The following DPYD variants were observed in gnomAD, a reference collection of about 807,000 sequenced individuals.
DPYD encodes dihydropyrimidine dehydrogenase [NADP(+)].
A neutral mutation model predicts 116.2 loss-of-function variants in DPYD; 109 were observed. That is an observed-to-expected ratio of 0.94 (90% CI 0.80 to 1.10). The LOEUF (loss-of-function observed/expected upper bound fraction) is 1.10, where lower values mean the gene tolerates loss of function less well. DPYD is among the 50% of genes least tolerant of loss of function. The pLI, the probability that DPYD is intolerant of heterozygous loss-of-function variation, is 0.00. For synonymous variants in DPYD, 440 were observed against 432.0 expected, an observed-to-expected ratio of 1.02 and a Z score of -0.23; for missense variants, 1,302 against 1,254.5, an observed-to-expected ratio of 1.04 and a Z score of -0.57.
chr1:97,742,155 A>T (rs1664303076), intron 3 of DPYD, among the ~76,000 whole-genome samples: 1 of 152,076 alleles, frequency 6.6e-6, no homozygotes, highest in African/African-American at 2.4e-5. Context: ...TTCTCCAAGA[A>T]TTTCACTGAG....
chr1:97,788,872 C>T (rs1667176322), intron 3 of DPYD, among the ~76,000 whole-genome samples: 1 of 152,126 alleles, frequency 6.6e-6, no homozygotes, highest in South Asian at 2.1e-4. Context: ...GGCACCATCT[C>T]GGCTCACTGC....
At chr1:97,831,722 G>A (rs1444080198) in intron 2 of DPYD, among the ~76,000 whole-genome samples, 1 of 151,822 alleles carries the variant, frequency 6.6e-6, no homozygotes, top group African/African-American at 2.4e-5. Flanking sequence ...AAAGGCAACA[G>A]ATAAAAAGAG....
chr1:97,873,059 T>A (rs993556522), intron 2 of DPYD, among the ~76,000 whole-genome samples: 20 of 151,980 alleles, frequency 1.3e-4, no homozygotes, highest in African/African-American at 4.6e-4. Context: ...CAGGCTACAG[T>A]ACTTCAGCTG....
chr1:97,794,848 T>C (rs1224438745), intron 3 of DPYD, among the ~76,000 whole-genome samples: 3 of 152,198 alleles, frequency 2.0e-5, no homozygotes, highest in Non-Finnish European at 4.4e-5. Flanking sequence ...GTCAGATTTA[T>C]CCCTAGTACT....
chr1:97,277,624 TA>T (rs1166705912), intron 18 of DPYD, among the ~76,000 whole-genome samples: 1 of 152,136 alleles, frequency 6.6e-6, no homozygotes, highest in African/African-American at 2.4e-5. Context: ...TGACCTTCTC[TA>T]AAACATATTC....
intron 18 of DPYD, among the ~76,000 whole-genome samples, chr1:97,298,809 T>C (rs1352756141): frequency 1.3e-5 from 2 of 152,094 alleles, no homozygotes; most frequent in African/African-American, 4.8e-5. Context: ...CCCTTTTCCT[T>C]AGGGAGTCGA....
chr1:97,326,863 C>T (rs2101139926), intron 16 of DPYD, among the ~76,000 whole-genome samples: 1 of 151,908 alleles, frequency 6.6e-6, no homozygotes, highest in Non-Finnish European at 1.5e-5. Context: ...ACGTATAAAA[C>T]AAATATAGCA....
intron 20 of DPYD, among the ~76,000 whole-genome samples, chr1:97,122,746 C>T (rs1416390659): frequency 6.6e-6 from 1 of 152,102 alleles, no homozygotes; most frequent in African/African-American, 2.4e-5. Context: ...TTAATCTTTC[C>T]TTATATCACT....
At chr1:97,414,258 T>C (rs1674169008) in intron 14 of DPYD, among the ~76,000 whole-genome samples, 1 of 152,168 alleles carries the variant, frequency 6.6e-6, no homozygotes, top group Admixed American at 6.5e-5. Flanking sequence ...TTATAATTTA[T>C]TACAATTAGT....
intron 3 of DPYD, among the ~76,000 whole-genome samples, chr1:97,750,644 C>G (rs982287441): frequency 2.4e-4 from 37 of 152,124 alleles, no homozygotes; most frequent in African/African-American, 8.9e-4. Flanking sequence ...TATGAAATTC[C>G]TTTCTCAAAA....
intron 13 of DPYD, among the ~76,000 whole-genome samples, chr1:97,463,414 G>C (rs916181986): frequency 6.6e-6 from 1 of 152,138 alleles, no homozygotes; most frequent in South Asian, 2.1e-4. Context: ...GAAACTGTAA[G>C]TACATTAAAC....
chr1:97,889,590 T>C (rs1672675620), intron 1 of DPYD, among the ~76,000 whole-genome samples: 1 of 152,026 alleles, frequency 6.6e-6, no homozygotes, highest in Admixed American at 6.6e-5. Flanking sequence ...TAAACATATA[T>C]GTGCCTAACA....
intron 15 of DPYD, among the ~76,000 whole-genome samples, chr1:97,379,275 C>A (rs1241138904): frequency 6.6e-6 from 1 of 152,098 alleles, no homozygotes; most frequent in Non-Finnish European, 1.5e-5. Context: ...GCAGGCAGGG[C>A]AGGGGCCAAG....
At chr1:97,161,645 T>C (rs1351926079) in intron 20 of DPYD, among the ~76,000 whole-genome samples, 1 of 151,336 alleles carries the variant, frequency 6.6e-6, no homozygotes, top group African/African-American at 2.4e-5. Context: ...TATGTATACA[T>C]GTGCCATGCT....
chr1:97,124,361 A>G (rs1273077303), intron 20 of DPYD, among the ~76,000 whole-genome samples: 2 of 152,106 alleles, frequency 1.3e-5, no homozygotes, highest in Non-Finnish European at 2.9e-5. Context: ...AGGCAGAAAG[A>G]CATGCTAACT....
intron 20 of DPYD, 76 bp downstream of exon 20, chr1:97,192,993 T>G: frequency 1.1e-3 from 1,635 of 1,485,814 alleles, no homozygotes; most frequent in Non-Finnish European, 1.4e-3. Context: ...AGTGAGAATG[T>G]GAGATGGTAA....
At chr1:97,849,668 A>T (rs556931563) in intron 2 of DPYD, among the ~76,000 whole-genome samples, 1 of 152,144 alleles carries the variant, frequency 6.6e-6, no homozygotes, top group Non-Finnish European at 1.5e-5. Flanking sequence ...ATCTTTCATA[A>T]TTTTCAAAGA....
intron 8 of DPYD, among the ~76,000 whole-genome samples, chr1:97,631,237 T>C (rs1657239650): frequency 6.6e-6 from 1 of 152,086 alleles, no homozygotes; most frequent in South Asian, 2.1e-4. Flanking sequence ...AAAGGAGTGA[T>C]GGCTGCAAGG....
At chr1:97,751,460 G>GTGTATATATATATATA (rs763260651) in intron 3 of DPYD, among the ~76,000 whole-genome samples, 9 of 21,282 alleles carry the variant, frequency 4.2e-4, no homozygotes, top group South Asian at 3.3e-3. Context: ...GTGTGTGTGT[G>GTGTATATATATATATA]TATATATATA....
Sources: allele counts gnomAD v4.1 joint callset (sites outside exome capture counted in the v4.1 genomes callset), GRCh38; gene constraint gnomAD v4.1.1; transcripts MANE v1.5; gene names NCBI Gene and HGNC (gene_info 2026-07-23, HGNC 2026-07-21).